Variants in FLNB observed in about 807,000 individuals in gnomAD.
FLNB encodes filamin B, also known as filamin-B.
A neutral mutation model predicts 250.6 loss-of-function variants in FLNB; 111 were observed. The observed-to-expected ratio is 0.44, with a 90% confidence interval of 0.38 to 0.52. FLNB has a LOEUF of 0.52. Ranked by LOEUF, FLNB falls within the 20% of genes least tolerant of loss-of-function variation. The pLI, the probability that FLNB is intolerant of heterozygous loss-of-function variation, is 0.00. For synonymous variants in FLNB, 1,302 were observed against 1,372.1 expected, an observed-to-expected ratio of 0.95 and a Z score of 1.13; for missense variants, 2,869 against 3,447.8, an observed-to-expected ratio of 0.83 and a Z score of 4.20.
chr3:58,142,128 G>C lies in FLNB; in HGVS notation c.5181+199G>C, dbSNP rs916414970. On this transcript the variant is annotated intron_variant, in intron 30 of 45. Transcript: ENST00000295956. This position sits in a 1 kb window ranked among gnomAD's most constrained non-coding sequence, Gnocchi z 4.3. ...CTTTGCGTCACCATCCGTGCTCCAC[G>C]AATCGCCAGCCGTCGTGTCTGTGAT... 6.6e-6 allele frequency among the ~76,000 whole-genome samples: 1 copy of C among 152,134 alleles called. No individual in the cohort carries two copies. Among genetic ancestry groups the C allele is most frequent in the East Asian group, 1.9e-4 (1 of 5,194 alleles).
rs1383105207 is a variant in FLNB at position 58,153,460 on chromosome 3, C to T, written c.6453C>T (p.Asn2151=). The T allele has an allele frequency of 1.9e-6, 3 of 1,614,124 alleles. No individual in the cohort carries two copies. The highest frequency in any genetic ancestry group is 2.2e-5 in the East Asian group (1 of 44,908). The change falls in exon 39 of 46, where the codon AAC becomes AAT. Residue 2151 remains asparagine (N), a synonymous_variant. Transcript: ENST00000295956. The part of the protein sequence containing the change: ...TEAEIVPMGK[N]SHCVRFVPQE... ...CAGAGATTGTGCCCATGGGGAAGAA[C>T]TCACACTGCGTCCGGTTTGTGCCCC...
rs2097306508 is a variant in FLNB at position 58,131,025 on chromosome 3, A to G, written c.4390+117A>G. On this transcript the variant is annotated intron_variant, in intron 25 of 45. Coordinates refer to ENST00000295956, the MANE Select transcript of FLNB (RefSeq NM_001457.4). Reference sequence around the variant, plus strand: ...TCATGAGCTTAAAATTAAATTAAAAAAAATTATTGTTTCATTTCTAGTTAA... The same window carrying G: ...TCATGAGCTTAAAATTAAATTAAAAGAAATTATTGTTTCATTTCTAGTTAA... 7 of 983,176 alleles carry G rather than the reference A, an allele frequency of 7.1e-6. No homozygotes were observed. In the East Asian group the frequency reaches 1.6e-4, roughly 22 times the overall value. 60.9% of individuals were successfully genotyped at this position (983,176 alleles called of 1,614,324 possible).
intron 1 of FLNB, among the ~76,000 whole-genome samples, chr3:58,059,887 G>A (rs775857583): frequency 2.6e-5 from 4 of 152,152 alleles, no homozygotes; most frequent in African/African-American, 7.2e-5. Context: ...GTGTACTCCC[G>A]TTTGGGTCTC....
chr3:58,122,496 CAAAA>C (rs11320902), intron 20 of FLNB, among the ~76,000 whole-genome samples: 2 of 130,888 alleles, frequency 1.5e-5, no homozygotes, highest in South Asian at 2.4e-4. Flanking sequence ...CCGTCCCCTC[CAAAA>C]AAAAAAAAAA....
At chr3:58,112,892 T>G (rs1302155845) in intron 18 of FLNB, among the ~76,000 whole-genome samples, 7 of 152,318 alleles carry the variant, frequency 4.6e-5, no homozygotes, top group South Asian at 2.1e-4. Context: ...TTATTCCCCT[T>G]TACAAAATGC....
chr3:58,069,823 G>A (rs2097191456), intron 1 of FLNB, among the ~76,000 whole-genome samples: 1 of 152,158 alleles, frequency 6.6e-6, no homozygotes, highest in South Asian at 2.1e-4. Context: ...TCAGAGAAGT[G>A]ACAAATTGAA....
chr3:58,169,851 G>C lies in FLNB; in HGVS notation c.7621+58G>C. 1 of 1,450,100 alleles carries C rather than the reference G, an allele frequency of 6.9e-7. No homozygotes were observed. Among genetic ancestry groups the C allele is most frequent in the Admixed American group, 1.8e-5 (1 of 56,100 alleles). The allele number at this position is 1,450,100 out of a possible 1,614,324, so 89.8% of individuals were successfully genotyped here. A position where few individuals can be genotyped will look rare whatever the true frequency, so the allele number is the denominator to read the frequency against. On this transcript the variant is annotated intron_variant, in intron 45 of 45. Coordinates refer to ENST00000295956, the MANE Select transcript of FLNB (RefSeq NM_001457.4). The surrounding 1 kb of genome is among the most constrained non-coding windows in gnomAD (Gnocchi z 4.8). ...GGGCAGGGGCAGGCTGGGCACCCTG[G>C]GTACACTGGCCTTCCCTGCTGAGGT...
intron 26 of FLNB, among the ~76,000 whole-genome samples, chr3:58,134,339 C>G (rs565853587): frequency 6.6e-6 from 1 of 152,192 alleles, no homozygotes; most frequent in Non-Finnish European, 1.5e-5. Context: ...ATTCCCCCAC[C>G]AGGCCCCCTG....
chr3:58,015,749 C>T (rs2097104868), intron 1 of FLNB, among the ~76,000 whole-genome samples: 2 of 152,082 alleles, frequency 1.3e-5, no homozygotes, highest in Non-Finnish European at 2.9e-5. Flanking sequence ...ATCCTGCTGT[C>T]TGTGCACCGT....
rs543273752 is a variant in FLNB at position 58,021,210 on chromosome 3, T to G, written c.292+12354T>G. ...GCTTCTTGCCCAGGAACAAACTGAT[T>G]GTTCCCTTGGTGTGGGGTAAAGCAG... On this transcript the variant is annotated intron_variant, in intron 1 of 45. Transcript: ENST00000295956. Among the ~76,000 whole-genome samples the G allele has an allele frequency of 2.2e-4, 33 of 152,284 alleles. 2 individuals carry two copies. In the South Asian group the frequency reaches 6.8e-3, roughly 32 times the overall value.
At chr3:58,132,559 T>C (rs1165678728) in intron 25 of FLNB, 2 of 568,042 alleles carry the variant, frequency 3.5e-6, no homozygotes, top group African/African-American at 1.9e-5. Context: ...TTAATTATAC[T>C]CTAGGGCAGA....
In FLNB at chr3:58,130,945, TGCC is replaced by T. The variant is rs2097306332; in HGVS notation, c.4390+38_4390+40del. The T allele has an allele frequency of 6.3e-6, 10 of 1,592,792 alleles. No individual in the cohort carries two copies. The African/African-American group carries it at 8.0e-5, about 13-fold the overall frequency. ...CCCTGCCTTCCTGCAGACATTCATCTGCCCCAGGCAGGGGCAGCTGTAACCCAG... is the reference window on the plus strand; with the variant it reads ...CCCTGCCTTCCTGCAGACATTCATCTCCAGGCAGGGGCAGCTGTAACCCAG... On this transcript the variant is annotated intron_variant, in intron 25 of 45. Transcript: ENST00000295956.
intron 1 of FLNB, among the ~76,000 whole-genome samples, chr3:58,030,453 A>G (rs1015569310): frequency 4.6e-5 from 7 of 152,178 alleles, no homozygotes; most frequent in Admixed American, 1.3e-4. Flanking sequence ...GTGGTTTACC[A>G]TAGTAGAGTT....
intron 40 of FLNB, among the ~76,000 whole-genome samples, chr3:58,155,652 T>C (rs374104327): frequency 2.5e-4 from 38 of 152,310 alleles, no homozygotes; most frequent in African/African-American, 8.7e-4. Context: ...AGAAAGGAAA[T>C]GGTAAATTTC....
intron 24 of FLNB, among the ~76,000 whole-genome samples, chr3:58,128,447 G>A (rs886665985): frequency 6.6e-6 from 1 of 152,076 alleles, no homozygotes; most frequent in Non-Finnish European, 1.5e-5. Context: ...TTCAGCTGTG[G>A]GCAAGACAAA....
chr3:58,046,170 G>T (rs924339156), intron 1 of FLNB, among the ~76,000 whole-genome samples: 1 of 152,076 alleles, frequency 6.6e-6, no homozygotes, highest in Non-Finnish European at 1.5e-5. Context: ...AGTTGTGGTA[G>T]CTGGGCTGGG....
In FLNB at chr3:58,104,084, A is replaced by C; in HGVS notation, c.1609A>C (p.Ser537Arg). ...ATGGGGGGGACACCACATTCCAAAG[A>C]GGTGAGGCTCCTGCTGCAGAGGGGT... ...ITWGGHHIPK[S>R]PFEVQVGPEA... is the part of the protein sequence containing the mutation. The change falls in exon 10 of 46, where the codon AGC (serine) becomes CGC (arginine). Residue 537 changes from serine to arginine, a missense_variant and splice_region_variant. Transcript: ENST00000295956. 3 of 1,613,444 alleles carry C rather than the reference A, an allele frequency of 1.9e-6. No individual in the cohort carries two copies. The highest frequency in any genetic ancestry group is 2.5e-6 in the Non-Finnish European group (3 of 1,179,928).
chr3:58,153,788 C>CT (rs1337750827), intron 39 of FLNB, 147 bp downstream of exon 39: 2 of 961,826 alleles, frequency 2.1e-6, no homozygotes, highest in East Asian at 5.2e-5. Context: ...GGCATCATGA[C>CT]TAAGTCTGGC....
At chr3:58,031,853 T>C (rs540808030) in intron 1 of FLNB, among the ~76,000 whole-genome samples, 2 of 152,046 alleles carry the variant, frequency 1.3e-5, no homozygotes, top group Admixed American at 6.5e-5. Flanking sequence ...TCCAAAAGTG[T>C]CATTTTAATG....
Sources: allele counts gnomAD v4.1 joint callset (sites outside exome capture counted in the v4.1 genomes callset), GRCh38; gene constraint gnomAD v4.1.1; non-coding constraint Gnocchi (gnomAD v3.1); transcripts MANE v1.5; gene names NCBI Gene and HGNC (gene_info 2026-07-23, HGNC 2026-07-21).